The following GABRB1 variants were observed in gnomAD, a reference collection of about 807,000 sequenced individuals.
GABRB1 encodes the protein gamma-aminobutyric acid receptor subunit beta-1.
In GABRB1, 17 loss-of-function variants were observed where a neutral mutation model predicts 51.6. The ratio of observed to expected loss-of-function variants is 0.33; its 90% CI spans 0.23 to 0.49. GABRB1 has a LOEUF of 0.49. GABRB1 is among the 20% of genes least tolerant of loss of function. GABRB1 has a pLI of 0.99. For missense variants in GABRB1, 410 were observed against 600.6 expected (o/e 0.68, Z 3.32); for synonymous variants, 247 against 218.9 (o/e 1.13, Z -1.14).
At chr4:47,352,903 A>T (rs2110000634) in intron 5 of GABRB1, among the ~76,000 whole-genome samples, 1 of 152,322 alleles carries the variant, frequency 6.6e-6, no homozygotes, top group Admixed American at 6.5e-5. Flanking sequence ...TTAGTTAAGC[A>T]AAAACTATGT....
At chr4:47,056,488 T>C (rs2109518450) in intron 3 of GABRB1, among the ~76,000 whole-genome samples, 1 of 152,206 alleles carries the variant, frequency 6.6e-6, no homozygotes, top group Middle Eastern at 3.4e-3. Flanking sequence ...AGGTCACATA[T>C]AAAGGTAGCA....
chr4:47,279,164 A>T (rs948344413), intron 4 of GABRB1, among the ~76,000 whole-genome samples: 1 of 152,106 alleles, frequency 6.6e-6, no homozygotes, highest in African/African-American at 2.4e-5. Context: ...CCAGTCAGTC[A>T]ACAAACATAG....
intron 5 of GABRB1, among the ~76,000 whole-genome samples, chr4:47,347,024 G>A (rs1726123426): frequency 6.6e-6 from 1 of 152,122 alleles, no homozygotes. Flanking sequence ...ACTCACTCCT[G>A]TAATCCCAGT....
intron 3 of GABRB1, among the ~76,000 whole-genome samples, chr4:47,035,498 G>A (rs775307803): frequency 6.6e-5 from 10 of 152,176 alleles, no homozygotes; most frequent in Admixed American, 3.3e-4. Context: ...TGTTCTTTTG[G>A]CATCATGGGA....
intron 4 of GABRB1, among the ~76,000 whole-genome samples, chr4:47,213,421 GCTCT>G (rs143821454): frequency 1.1e-4 from 17 of 148,310 alleles, no homozygotes; most frequent in South Asian, 2.2e-4. Context: ...TTTCACATTC[GCTCT>G]CTCTCTCTCT....
At chr4:47,206,792 TA>T (rs1308707527) in intron 4 of GABRB1, among the ~76,000 whole-genome samples, 1 of 151,658 alleles carries the variant, frequency 6.6e-6, no homozygotes, top group Non-Finnish European at 1.5e-5. Context: ...TTTGTACAGC[TA>T]GAGAATATAA....
At chr4:47,051,657 C>G (rs949693665) in intron 3 of GABRB1, among the ~76,000 whole-genome samples, 1 of 151,946 alleles carries the variant, frequency 6.6e-6, no homozygotes, top group Non-Finnish European at 1.5e-5. Context: ...GTATTTGAGA[C>G]CAGAATGATA....
intron 3 of GABRB1, among the ~76,000 whole-genome samples, chr4:47,120,930 T>C (rs1022766211): frequency 1.3e-5 from 2 of 152,148 alleles, no homozygotes; most frequent in African/African-American, 4.8e-5. Flanking sequence ...CTGTGCTGCC[T>C]GGTGTTGAAG....
chr4:47,025,500 G>T (rs1725063084), intron 1 of GABRB1, among the ~76,000 whole-genome samples: 1 of 151,726 alleles, frequency 6.6e-6, no homozygotes, highest in Non-Finnish European at 1.5e-5. Flanking sequence ...TTATAAACTT[G>T]AATTTTTTTT....
intron 4 of GABRB1, among the ~76,000 whole-genome samples, chr4:47,170,154 C>A (rs899918260): frequency 1.3e-5 from 2 of 152,048 alleles, no homozygotes; most frequent in Admixed American, 6.6e-5. Context: ...GATAACTCCT[C>A]TACCATATTT....
At chr4:47,403,919 A>G (rs963004797) in intron 7 of GABRB1, among the ~76,000 whole-genome samples, 5 of 152,244 alleles carry the variant, frequency 3.3e-5, no homozygotes, top group African/African-American at 4.8e-5. Context: ...ACCAAAACAA[A>G]CAAACAAAAA....
chr4:47,223,768 C>T (rs994645014), intron 4 of GABRB1, among the ~76,000 whole-genome samples: 1 of 152,052 alleles, frequency 6.6e-6, no homozygotes, highest in African/African-American at 2.4e-5. Context: ...TATGTTTAGA[C>T]TATGACATTA....
At chr4:47,092,935 C>T (rs1044637675) in intron 3 of GABRB1, among the ~76,000 whole-genome samples, 4 of 152,138 alleles carry the variant, frequency 2.6e-5, no homozygotes, top group Non-Finnish European at 4.4e-5. Context: ...TCTGACATTA[C>T]TGCAAAATAT....
intron 4 of GABRB1, among the ~76,000 whole-genome samples, chr4:47,230,649 C>T (rs1215352492): frequency 1.3e-5 from 2 of 152,180 alleles, no homozygotes; most frequent in African/African-American, 4.8e-5. Context: ...AGTATTTTCT[C>T]TTATGGATCT....
At chr4:47,293,480 C>G (rs934086436) in intron 4 of GABRB1, among the ~76,000 whole-genome samples, 5 of 152,008 alleles carry the variant, frequency 3.3e-5, no homozygotes. Context: ...ATGTGCAATC[C>G]TTACAAAAGT....
At chr4:47,020,198 A>G (rs1270887844) in intron 1 of GABRB1, among the ~76,000 whole-genome samples, 1 of 152,026 alleles carries the variant, frequency 6.6e-6, no homozygotes, top group Non-Finnish European at 1.5e-5. Context: ...TCCTCTTTTT[A>G]TAAAGACATC....
At chr4:47,404,489 GCACACACACA>G (rs56335154) in intron 7 of GABRB1, among the ~76,000 whole-genome samples, 347 of 145,654 alleles carry the variant, frequency 2.4e-3, no homozygotes, top group African/African-American at 4.7e-3. Context: ...ACACACGCAT[GCACACACACA>G]CACACACACA....
intron 4 of GABRB1, among the ~76,000 whole-genome samples, chr4:47,218,954 C>A (rs1231219795): frequency 2.0e-5 from 3 of 151,708 alleles, no homozygotes; most frequent in Non-Finnish European, 3.0e-5. Flanking sequence ...TAGTAGTGTG[C>A]ATTCTCTTCA....
chr4:47,123,904 T>TA (rs1560545886), intron 3 of GABRB1, among the ~76,000 whole-genome samples: 1 of 58,114 alleles, frequency 1.7e-5, no homozygotes, highest in African/African-American at 4.6e-5. Flanking sequence ...ATATAATATA[T>TA]TATATATTAA....
Sources: gnomAD v4.1 joint callset for allele counts (sites outside exome capture counted in the v4.1 genomes callset) on GRCh38, gnomAD v4.1.1 for gene constraint, MANE v1.5 for transcripts, NCBI Gene and HGNC (gene_info 2026-07-23, HGNC 2026-07-21) for gene names.